Variants in CTNND2 observed in about 807,000 individuals in gnomAD.
CTNND2 encodes the protein catenin delta 2.
A neutral mutation model predicts 144.4 loss-of-function variants in CTNND2; 22 were observed. The ratio of observed to expected loss-of-function variants is 0.15; its 90% CI spans 0.11 to 0.22. CTNND2 has a LOEUF of 0.22. Among genes scored for constraint, CTNND2 ranks in the 10% least tolerant of loss-of-function variants. The probability of loss-of-function intolerance (pLI) is 1.00; values close to 1 mark genes in which losing one functional copy is unlikely to be tolerated. For synonymous variants in CTNND2, 751 were observed against 695.6 expected (o/e 1.08, Z -1.25); for missense variants, 1,353 against 1,618.8 (o/e 0.84, Z 2.82).
chr5:11,376,982 C>T (rs1365635436), intron 7 of CTNND2, among the ~76,000 whole-genome samples: 1 of 152,128 alleles, frequency 6.6e-6, no homozygotes, highest in East Asian at 1.9e-4. Flanking sequence ...GCTTATCACT[C>T]TACTTTCTAG....
chr5:11,052,186 AC>A (rs1227451374), intron 16 of CTNND2, among the ~76,000 whole-genome samples: 1 of 152,062 alleles, frequency 6.6e-6, no homozygotes, highest in Non-Finnish European at 1.5e-5. Flanking sequence ...GTTTTGTACT[AC>A]CTGTGCTTCT....
At chr5:11,696,923 C>T (rs1256382170) in intron 2 of CTNND2, among the ~76,000 whole-genome samples, 1 of 152,190 alleles carries the variant, frequency 6.6e-6, no homozygotes, top group Non-Finnish European at 1.5e-5. Flanking sequence ...ATAGAAAGAG[C>T]TGCTGACCCT....
intron 9 of CTNND2, among the ~76,000 whole-genome samples, chr5:11,304,378 C>G (rs114619997): frequency 6.6e-6 from 1 of 151,854 alleles, no homozygotes; most frequent in Non-Finnish European, 1.5e-5. Context: ...ATGTATTACA[C>G]ACAGGCACAC....
At chr5:11,605,388 TGAA>T (rs1193307187) in intron 2 of CTNND2, among the ~76,000 whole-genome samples, 4 of 152,182 alleles carry the variant, frequency 2.6e-5, no homozygotes, top group Non-Finnish European at 2.9e-5. Flanking sequence ...ACACACTAAA[TGAA>T]GAAGATGGTT....
rs141349188 is a variant in CTNND2 at position 11,639,693 on chromosome 5, T to C, written c.175-74637A>G. On this transcript the variant is annotated intron_variant, in intron 2 of 21. Transcript: ENST00000304623. ...AAGAATCTCCAAGAAAGGGATATCA[T>C]AGATACCATTTCTCAAAATTATATA... Among the ~76,000 whole-genome samples the C allele has an allele frequency of 5.4e-3, 825 of 152,314 alleles. 4 individuals carry two copies. The highest frequency in any genetic ancestry group is 0.019 in the African/African-American group (790 of 41,576).
At chr5:11,141,073 G>A (rs927387544) in intron 12 of CTNND2, among the ~76,000 whole-genome samples, 2 of 152,070 alleles carry the variant, frequency 1.3e-5, no homozygotes, top group Admixed American at 1.3e-4. Context: ...TCTGACCTCA[G>A]ACTTCCAAGT....
At chr5:11,721,319 C>T (rs546856974) in intron 2 of CTNND2, among the ~76,000 whole-genome samples, 9 of 151,846 alleles carry the variant, frequency 5.9e-5, no homozygotes, top group Non-Finnish European at 1.0e-4. Flanking sequence ...TGTGACTATA[C>T]CAAAACCACA....
intron 13 of CTNND2, among the ~76,000 whole-genome samples, chr5:11,113,568 T>A (rs1753235840): frequency 6.6e-6 from 1 of 152,038 alleles, no homozygotes; most frequent in Non-Finnish European, 1.5e-5. Flanking sequence ...GAGAAAAATA[T>A]CCAATTTTAG....
chr5:11,195,301 G>A (rs548635349), intron 11 of CTNND2, among the ~76,000 whole-genome samples: 1 of 152,270 alleles, frequency 6.6e-6, no homozygotes, highest in South Asian at 2.1e-4. Flanking sequence ...CATCACTCAT[G>A]TGTGAGGGTT....
At chr5:11,169,169 T>C (rs781728147) in intron 11 of CTNND2, among the ~76,000 whole-genome samples, 1 of 152,090 alleles carries the variant, frequency 6.6e-6, no homozygotes, top group Non-Finnish European at 1.5e-5. Context: ...CACCTTGCAA[T>C]ACCCACCTTA....
At chr5:11,733,670 A>T (rs12652861) in intron 1 of CTNND2, among the ~76,000 whole-genome samples, 22,355 of 152,134 alleles carry the variant, frequency 0.15, 1,814 homozygotes, top group East Asian at 0.27. Flanking sequence ...CTCCACAAAT[A>T]TTTACCAAGT....
chr5:11,680,431 T>A (rs1784376757), intron 2 of CTNND2, among the ~76,000 whole-genome samples: 1 of 151,866 alleles, frequency 6.6e-6, no homozygotes, highest in East Asian at 1.9e-4. Flanking sequence ...ACACATTTAG[T>A]GGAAAGAGAC....
At chr5:10,985,924 C>T (rs964902888) in intron 20 of CTNND2, among the ~76,000 whole-genome samples, 2 of 152,178 alleles carry the variant, frequency 1.3e-5, no homozygotes, top group Non-Finnish European at 2.9e-5. Flanking sequence ...GCTATCCCAC[C>T]ATCACCTCCA....
At chr5:11,289,082 C>T (rs1334792134) in intron 9 of CTNND2, among the ~76,000 whole-genome samples, 1 of 152,160 alleles carries the variant, frequency 6.6e-6, no homozygotes, top group African/African-American at 2.4e-5. Context: ...TTGCAGCCTG[C>T]CATCCCCCCC....
intron 1 of CTNND2, among the ~76,000 whole-genome samples, chr5:11,833,085 G>C (rs1793993503): frequency 6.6e-6 from 1 of 152,188 alleles, no homozygotes. Flanking sequence ...TAAGAGTTTG[G>C]TGTTTTTAAA....
At chr5:11,837,901 A>T (rs918688405) in intron 1 of CTNND2, among the ~76,000 whole-genome samples, 1 of 152,148 alleles carries the variant, frequency 6.6e-6, no homozygotes, top group African/African-American at 2.4e-5. Context: ...AAACAATCAA[A>T]TGTATATATT....
intron 7 of CTNND2, among the ~76,000 whole-genome samples, chr5:11,369,363 G>T (rs890432257): frequency 6.6e-6 from 1 of 152,192 alleles, no homozygotes. Flanking sequence ...TCTTGACACA[G>T]AAAATAATTA....
At chr5:11,084,340 G>A (rs1341531463) in intron 15 of CTNND2, among the ~76,000 whole-genome samples, 1 of 152,164 alleles carries the variant, frequency 6.6e-6, no homozygotes, top group Non-Finnish European at 1.5e-5. Flanking sequence ...CCGACATGCT[G>A]AAACATGACT....
intron 8 of CTNND2, among the ~76,000 whole-genome samples, chr5:11,363,361 T>C (rs1323093852): frequency 6.6e-6 from 1 of 152,238 alleles, no homozygotes; most frequent in Non-Finnish European, 1.5e-5. Context: ...TGTCAGTTTT[T>C]ATTCAAATTA....
Sources: allele counts gnomAD v4.1 joint callset (sites outside exome capture counted in the v4.1 genomes callset), GRCh38; gene constraint gnomAD v4.1.1; transcripts MANE v1.5; gene names NCBI Gene and HGNC (gene_info 2026-07-23, HGNC 2026-07-21).